Variants in PTPRT observed in about 807,000 individuals in gnomAD.
The protein encoded by PTPRT is receptor-type tyrosine-protein phosphatase T.
Under a neutral mutation model 176.8 loss-of-function variants are expected in PTPRT, and 56 were observed. That is an observed-to-expected ratio of 0.32 (90% confidence interval 0.26 to 0.40). PTPRT has a LOEUF of 0.40. PTPRT is among the 10% of genes least tolerant of loss of function. The probability of loss-of-function intolerance (pLI) is 1.00; values close to 1 mark genes in which losing one functional copy is unlikely to be tolerated. For missense variants in PTPRT, 1,540 were observed against 1,908.2 expected (o/e 0.81, Z 3.60); for synonymous variants, 783 against 739.0 (o/e 1.06, Z -0.96).
chr20:42,430,238 C>T (rs73121664), intron 9 of PTPRT, among the ~76,000 whole-genome samples: 17,883 of 152,112 alleles, frequency 0.12, 1,032 homozygotes, highest in Middle Eastern at 0.14. Flanking sequence ...GAAATCCTGA[C>T]GTAGCAAGAG....
chr20:42,757,228 C>T (rs917891043), intron 5 of PTPRT, among the ~76,000 whole-genome samples: 1 of 152,168 alleles, frequency 6.6e-6, no homozygotes, highest in African/African-American at 2.4e-5. Flanking sequence ...TTGGGGCTGG[C>T]ATGTAGCCCC....
At chr20:42,327,799 T>C (rs1600840930) in intron 11 of PTPRT, among the ~76,000 whole-genome samples, 1 of 152,190 alleles carries the variant, frequency 6.6e-6, no homozygotes, top group Non-Finnish European at 1.5e-5. Context: ...GACAGATTTG[T>C]CTATATGTAA....
At chr20:43,022,497 T>C (rs1207036625) in intron 1 of PTPRT, among the ~76,000 whole-genome samples, 3 of 152,208 alleles carry the variant, frequency 2.0e-5, no homozygotes, top group Non-Finnish European at 2.9e-5. Context: ...CCTTTTTAAC[T>C]GAGGTCCAAA....
At chr20:42,940,235 T>A (rs534258992) in intron 1 of PTPRT, among the ~76,000 whole-genome samples, 5 of 152,284 alleles carry the variant, frequency 3.3e-5, no homozygotes, top group African/African-American at 1.2e-4. Flanking sequence ...TTCTTCTACC[T>A]CTGAAATGCA....
intron 2 of PTPRT, among the ~76,000 whole-genome samples, chr20:42,878,088 A>G (rs1443831146): frequency 6.6e-6 from 1 of 152,224 alleles, no homozygotes; most frequent in East Asian, 1.9e-4. Flanking sequence ...AGAAATATAT[A>G]CATATGAAAA....
chr20:43,082,116 T>G (rs1376022868), intron 1 of PTPRT, among the ~76,000 whole-genome samples: 4 of 152,202 alleles, frequency 2.6e-5, no homozygotes, highest in African/African-American at 9.6e-5. Context: ...TTTTATCCCT[T>G]TATTTTCAAC....
rs180732422 is a variant in PTPRT at position 42,524,332 on chromosome 20, T to A, written c.1154-51770A>T. 2.8e-3 allele frequency among the ~76,000 whole-genome samples: 433 copies of A among 152,332 alleles called. 1 individual carries two copies. The highest frequency in any genetic ancestry group is 0.01 in the African/African-American group (420 of 41,588). On this transcript the variant is annotated intron_variant, in intron 7 of 30. Coordinates refer to ENST00000373187, the MANE Select transcript of PTPRT (RefSeq NM_007050.6). ...CAGCTAAAATGCTTTGACTTTCCTA[T>A]GAGATTTTATTGGCAATTTACTCTT...
At chr20:42,639,975 C>T (rs1014574935) in intron 7 of PTPRT, among the ~76,000 whole-genome samples, 7 of 152,082 alleles carry the variant, frequency 4.6e-5, no homozygotes, top group African/African-American at 1.4e-4. Context: ...GAATTTTAAC[C>T]TGCCATCTGT....
chr20:42,520,994 G>A (rs2072164538), intron 7 of PTPRT, among the ~76,000 whole-genome samples: 2 of 151,386 alleles, frequency 1.3e-5, no homozygotes, highest in Non-Finnish European at 3.0e-5. Flanking sequence ...CTGTCTGTCT[G>A]TCTATCTATC....
chr20:43,067,181 G>A (rs892069818), intron 1 of PTPRT, among the ~76,000 whole-genome samples: 3 of 151,608 alleles, frequency 2.0e-5, no homozygotes, highest in Admixed American at 6.5e-5. Flanking sequence ...CAGTATGGAT[G>A]AGCCTTGAAA....
At chr20:42,351,139 T>G (rs2145517083) in intron 10 of PTPRT, among the ~76,000 whole-genome samples, 1 of 151,198 alleles carries the variant, frequency 6.6e-6, no homozygotes. Context: ...TCATGAGACC[T>G]CCCTTCCCTC....
At chr20:42,750,985 T>A (rs1569133219) in intron 6 of PTPRT, among the ~76,000 whole-genome samples, 2 of 152,160 alleles carry the variant, frequency 1.3e-5, no homozygotes, top group East Asian at 1.9e-4. Context: ...ATTAAGTAAT[T>A]CCAATTTGCT....
chr20:42,631,244 G>A (rs2074397678), intron 7 of PTPRT, among the ~76,000 whole-genome samples: 2 of 152,072 alleles, frequency 1.3e-5, no homozygotes, highest in African/African-American at 4.8e-5. Flanking sequence ...CTACCACCTG[G>A]TGATGAAATA....
At chr20:43,156,245 G>T (rs6130301) in intron 1 of PTPRT, among the ~76,000 whole-genome samples, 1 of 152,328 alleles carries the variant, frequency 6.6e-6, no homozygotes, top group Non-Finnish European at 1.5e-5. Context: ...ACCTGCATCA[G>T]GCATGGAGGC....
chr20:43,188,749 TG>T (rs771702039), intron 1 of PTPRT, among the ~76,000 whole-genome samples: 1,367 of 58,162 alleles, frequency 0.024, 49 homozygotes, highest in African/African-American at 0.079. Flanking sequence ...CCGCTACTCT[TG>T]GGGGGGGGGG....
chr20:42,056,626 A>G, the PTPRT span, among the ~76,000 whole-genome samples: 13 of 152,304 alleles, frequency 8.5e-5, no homozygotes, highest in Middle Eastern at 3.4e-3. Flanking sequence ...CACATGGTGT[A>G]TGTGTGTGTG....
At chr20:42,511,044 C>G (rs987721517) in intron 7 of PTPRT, among the ~76,000 whole-genome samples, 36 of 152,024 alleles carry the variant, frequency 2.4e-4, no homozygotes, top group Admixed American at 2.4e-3. Context: ...GAACTGATGA[C>G]TTTGTAAAAA....
chr20:42,932,895 C>T (rs1249371509), intron 1 of PTPRT, among the ~76,000 whole-genome samples: 1 of 152,188 alleles, frequency 6.6e-6, no homozygotes, highest in African/African-American at 2.4e-5. Context: ...AAGTATACTT[C>T]AGAGTGATAA....
the PTPRT span, among the ~76,000 whole-genome samples, chr20:42,062,341 C>A: frequency 3.3e-5 from 5 of 152,104 alleles, no homozygotes; most frequent in South Asian, 2.1e-4. Context: ...AAGAAGGGAG[C>A]CTTCTTCCCC....
Sources: gnomAD v4.1 joint callset for allele counts (sites outside exome capture counted in the v4.1 genomes callset) on GRCh38, gnomAD v4.1.1 for gene constraint, MANE v1.5 for transcripts, NCBI Gene and HGNC (gene_info 2026-07-23, HGNC 2026-07-21) for gene names.